The following LRRC7 variants were observed in gnomAD, a reference collection of about 807,000 sequenced individuals.
The protein encoded by LRRC7 is leucine rich repeat containing 7.
LRRC7 carries 23 observed loss-of-function variants against 175.7 expected under a neutral mutation model. The observed-to-expected ratio is 0.13, with a 90% CI of 0.09 to 0.19. LRRC7 has a LOEUF of 0.19. LRRC7 is among the 10% of genes least tolerant of loss of function. The pLI is 1.00. For missense variants in LRRC7, 1,354 were observed against 1,904.7 expected (o/e 0.71, Z 5.38); for synonymous variants, 685 against 680.9 (o/e 1.01, Z -0.09).
intron 7 of LRRC7, chr1:69,874,493 T>C (rs1365913530): frequency 6.6e-6 from 1 of 152,102 alleles, no homozygotes; most frequent in Non-Finnish European, 1.5e-5. Flanking sequence ...TTTACAATGA[T>C]TGTGTTGGAG....
At chr1:69,570,476 A>T (rs1469462380) in intron 1 of LRRC7, among the ~76,000 whole-genome samples, 7 of 149,146 alleles carry the variant, frequency 4.7e-5, no homozygotes, top group Admixed American at 3.3e-4. Context: ...TTTTAAAATG[A>T]GGCATTTCCT....
At chr1:69,806,773 T>A (rs1298845491) in intron 4 of LRRC7, among the ~76,000 whole-genome samples, 1 of 152,002 alleles carries the variant, frequency 6.6e-6, no homozygotes, top group East Asian at 1.9e-4. Flanking sequence ...TTCTTTTTAG[T>A]GTATGTGGCT....
At chr1:69,882,588 G>C (rs959095104) in intron 7 of LRRC7, among the ~76,000 whole-genome samples, 1 of 150,782 alleles carries the variant, frequency 6.6e-6, no homozygotes, top group Non-Finnish European at 1.5e-5. Flanking sequence ...TAACAACATG[G>C]ATGAAACTAG....
At chr1:69,831,318 T>C (rs1430304326) in intron 5 of LRRC7, among the ~76,000 whole-genome samples, 1 of 152,022 alleles carries the variant, frequency 6.6e-6, no homozygotes, top group Admixed American at 6.6e-5. Context: ...CCAATTGAAA[T>C]GTATTTAACA....
At chr1:70,019,112 G>C (rs1238913073) in intron 15 of LRRC7, among the ~76,000 whole-genome samples, 1 of 151,972 alleles carries the variant, frequency 6.6e-6, no homozygotes, top group Non-Finnish European at 1.5e-5. Context: ...GACTAGTAAA[G>C]CAGATCTGGT....
In LRRC7 at chr1:70,121,868, A is replaced by G. The variant is rs1335655794; in HGVS notation, c.4709A>G (p.Gln1570Arg). The change falls in exon 27 of 27, where the codon CAA becomes CGA. Residue 1570 changes from glutamine (Q) to arginine (R), a missense_variant. Around this residue, in one of 4 missense-constraint regions of LRRC7, gnomAD observed 53 missense variants for 112.6 expected, o/e 0.47. Transcript: ENST00000651989. ...CAGAACACAGTAGACCTAGTTATTC[A>G]ACGTGAGCTTACTGTCTAAATATTT... ...SFQNTVDLVI[Q>R]RELTV 6.2e-7 allele frequency: 1 copy of G among 1,604,214 alleles called. No individual in the cohort carries two copies. Among genetic ancestry groups the G allele is most frequent in the African/African-American group, 1.3e-5 (1 of 74,724 alleles).
intron 2 of LRRC7, among the ~76,000 whole-genome samples, chr1:69,700,039 G>A (rs1663142880): frequency 6.6e-6 from 1 of 152,174 alleles, no homozygotes; most frequent in African/African-American, 2.4e-5. Flanking sequence ...CTTTTGGGGA[G>A]ATGTTCCTTC....
chr1:69,957,695 A>G (rs1650641153), intron 8 of LRRC7, among the ~76,000 whole-genome samples: 1 of 151,964 alleles, frequency 6.6e-6, no homozygotes, highest in East Asian at 1.9e-4. Flanking sequence ...TATGACCCGA[A>G]TGTTATTGCC....
intron 4 of LRRC7, among the ~76,000 whole-genome samples, chr1:69,794,925 T>C (rs924478938): frequency 1.3e-5 from 2 of 152,238 alleles, no homozygotes; most frequent in African/African-American, 4.8e-5. Flanking sequence ...TTCTGTATTT[T>C]CTGGAAATAT....
chr1:69,899,481 A>G (rs1371405392), intron 7 of LRRC7, among the ~76,000 whole-genome samples: 3 of 152,220 alleles, frequency 2.0e-5, no homozygotes, highest in African/African-American at 7.2e-5. Context: ...CAACTATTCC[A>G]TATCACTGTA....
chr1:69,986,462 T>C, intron 10 of LRRC7, 76 bp downstream of exon 10: 4 of 1,270,380 alleles, frequency 3.1e-6, no homozygotes, highest in African/African-American at 1.5e-5. Flanking sequence ...AGTTTGTCTA[T>C]AGATATAGGT....
chr1:70,046,933 T>C (rs980081892), intron 22 of LRRC7, among the ~76,000 whole-genome samples: 11 of 152,114 alleles, frequency 7.2e-5, no homozygotes, highest in Non-Finnish European at 1.5e-4. Flanking sequence ...ATGATTGAGG[T>C]TCAATTTCCC....
chr1:69,862,239 T>C (rs970096182), intron 7 of LRRC7, among the ~76,000 whole-genome samples: 1 of 152,168 alleles, frequency 6.6e-6, no homozygotes, highest in African/African-American at 2.4e-5. Flanking sequence ...TACACAACTC[T>C]CAGCCAGACC....
intron 2 of LRRC7, among the ~76,000 whole-genome samples, chr1:69,729,836 G>A (rs899937084): frequency 6.6e-6 from 1 of 152,192 alleles, no homozygotes; most frequent in African/African-American, 2.4e-5. Flanking sequence ...TTTCCCTTCT[G>A]TACTGCCCTA....
intron 7 of LRRC7, among the ~76,000 whole-genome samples, chr1:69,846,978 T>C (rs1682442699): frequency 6.6e-6 from 1 of 152,120 alleles, no homozygotes. Flanking sequence ...AGCAGTACTC[T>C]AGTGAAAACT....
intron 2 of LRRC7, among the ~76,000 whole-genome samples, chr1:69,738,027 C>A (rs563102357): frequency 6.6e-6 from 1 of 151,998 alleles, no homozygotes; most frequent in Non-Finnish European, 1.5e-5. Context: ...GGAAATCTGA[C>A]TATTTGGCAG....
intron 2 of LRRC7, among the ~76,000 whole-genome samples, chr1:69,693,070 C>T (rs999359348): frequency 2.6e-5 from 4 of 152,094 alleles, no homozygotes; most frequent in South Asian, 4.1e-4. Flanking sequence ...TTCCGTGTCT[C>T]GCATGCCTTC....
chr1:69,610,895 C>A lies in LRRC7; in HGVS notation c.2+42254C>A, dbSNP rs887748498. 3.3e-5 allele frequency among the ~76,000 whole-genome samples: 5 copies of A among 152,040 alleles called. No homozygotes were observed. In the East Asian group the frequency reaches 7.7e-4, roughly 24 times the overall value. On this transcript the variant is annotated intron_variant, in intron 1 of 26. Transcript: ENST00000651989. ...ACAGTCCTTGATTTCTTAATGAAAT[C>A]TATTGTAGGAAAGACCATTGCTTTT... is the stretch of plus-strand genomic sequence containing the variant.
intron 7 of LRRC7, among the ~76,000 whole-genome samples, chr1:69,910,905 G>T (rs973412614): frequency 1.2e-4 from 18 of 152,344 alleles, no homozygotes; most frequent in African/African-American, 4.3e-4. Flanking sequence ...GCAATGGCAG[G>T]TGCCCCTTCC....
Sources: gnomAD v4.1 joint callset for allele counts (sites outside exome capture counted in the v4.1 genomes callset) on GRCh38, gnomAD v4.1.1 for gene constraint, gnomAD v4.1.1 regional missense constraint, MANE v1.5 for transcripts, NCBI Gene and HGNC (gene_info 2026-07-23, HGNC 2026-07-21) for gene names.